RGS6: variants seen among roughly 807,000 people sequenced by gnomAD.
RGS6 encodes the protein regulator of G-protein signaling 6.
RGS6 carries 30 observed loss-of-function variants against 78.5 expected under a neutral mutation model. That is an observed-to-expected ratio of 0.38 (90% CI 0.29 to 0.52). RGS6 has a LOEUF of 0.52. Ranked by LOEUF, RGS6 falls within the 20% of genes least tolerant of loss-of-function variation. RGS6 has a pLI of 0.85. For synonymous variants in RGS6, 206 were observed against 206.0 expected (o/e 1.00, Z 0.00); for missense variants, 495 against 609.7 (o/e 0.81, Z 1.98).
At chr14:72,359,794 G>A (rs931148796) in intron 3 of RGS6, among the ~76,000 whole-genome samples, 3 of 152,206 alleles carry the variant, frequency 2.0e-5, no homozygotes, top group African/African-American at 7.2e-5. Flanking sequence ...ACCTACTATA[G>A]CTATGCTGAG....
chr14:71,918,037 C>T, the RGS6 span, among the ~76,000 whole-genome samples: 16 of 151,558 alleles, frequency 1.1e-4, no homozygotes, highest in African/African-American at 3.6e-4. Context: ...AAAAATTAGC[C>T]GGGCGTGGTG....
At chr14:72,488,744 C>T (rs895256476) in intron 12 of RGS6, among the ~76,000 whole-genome samples, 6 of 152,174 alleles carry the variant, frequency 3.9e-5, no homozygotes, top group African/African-American at 9.7e-5. Flanking sequence ...CCTGAGCCTT[C>T]CCTATTGTCC....
chr14:71,933,712 CTG>C (rs1421788372), intron 1 of RGS6, among the ~76,000 whole-genome samples: 4 of 152,140 alleles, frequency 2.6e-5, no homozygotes, highest in African/African-American at 9.7e-5. Flanking sequence ...ATGTTACAAA[CTG>C]AAGATATTTG....
chr14:72,330,670 T>C (rs2074807351), intron 2 of RGS6, among the ~76,000 whole-genome samples: 1 of 152,180 alleles, frequency 6.6e-6, no homozygotes, highest in African/African-American at 2.4e-5. Context: ...TCATTTCAGA[T>C]CCACAGGGCC....
intron 3 of RGS6, among the ~76,000 whole-genome samples, chr14:72,383,408 G>A (rs147551831): frequency 2.3e-4 from 35 of 151,938 alleles, no homozygotes; most frequent in African/African-American, 7.7e-4. Flanking sequence ...GACAGGAGAC[G>A]ATTGAACATT....
intron 3 of RGS6, among the ~76,000 whole-genome samples, chr14:72,359,349 A>G (rs1442583151): frequency 4.0e-5 from 6 of 148,186 alleles, no homozygotes; most frequent in Admixed American, 6.7e-5. Flanking sequence ...ATTAATTTCA[A>G]TGAGGAATAC....
chr14:71,878,783 G>A, the RGS6 span, among the ~76,000 whole-genome samples: 3 of 152,180 alleles, frequency 2.0e-5, no homozygotes, highest in South Asian at 6.2e-4. Context: ...CTCACGCTGG[G>A]AGCTGTAGAC....
intron 3 of RGS6, among the ~76,000 whole-genome samples, chr14:72,408,851 T>C (rs1597056080): frequency 6.6e-6 from 1 of 152,198 alleles, no homozygotes; most frequent in African/African-American, 2.4e-5. Context: ...GATGGAGTCA[T>C]CATAGGGTGC....
chr14:72,406,316 A>G (rs1294016169), intron 3 of RGS6, among the ~76,000 whole-genome samples: 1 of 152,098 alleles, frequency 6.6e-6, no homozygotes, highest in Non-Finnish European at 1.5e-5. Context: ...CCCGGGAGGC[A>G]GAGGTTGCAG....
intron 3 of RGS6, among the ~76,000 whole-genome samples, chr14:72,443,904 A>G (rs1455803535): frequency 6.6e-6 from 1 of 152,184 alleles, no homozygotes; most frequent in East Asian, 1.9e-4. Flanking sequence ...GGGAACAGAA[A>G]CGATGTCCAC....
chr14:71,970,500 G>A (rs2093736352), intron 2 of RGS6, among the ~76,000 whole-genome samples: 1 of 152,164 alleles, frequency 6.6e-6, no homozygotes, highest in African/African-American at 2.4e-5. Context: ...GTGGTATGCA[G>A]CAAGAAGGGA....
chr14:72,310,676 G>A (rs984388831), intron 2 of RGS6, among the ~76,000 whole-genome samples: 1 of 152,146 alleles, frequency 6.6e-6, no homozygotes, highest in African/African-American at 2.4e-5. Context: ...TGCAGTGAAG[G>A]CTGGAGTCAC....
intron 10 of RGS6, among the ~76,000 whole-genome samples, chr14:72,476,346 C>A (rs747086023): frequency 6.6e-5 from 10 of 152,190 alleles, no homozygotes; most frequent in African/African-American, 2.2e-4. Context: ...TCATTTGGGG[C>A]ATTTGATAAA....
At chr14:72,301,751 T>G (rs776624982) in intron 2 of RGS6, among the ~76,000 whole-genome samples, 5 of 152,188 alleles carry the variant, frequency 3.3e-5, no homozygotes, top group Non-Finnish European at 7.3e-5. Context: ...TTGGCATTCC[T>G]TGGCTTGTAG....
chr14:72,526,278 T>G (rs752973766), intron 15 of RGS6, among the ~76,000 whole-genome samples: 1 of 11,740 alleles, frequency 8.5e-5, no homozygotes, highest in Middle Eastern at 0.022. Flanking sequence ...TAATTTTTTG[T>G]TTTTTTTTAG....
In RGS6 at chr14:72,322,517, C is replaced by A. The variant is rs375928669; in HGVS notation, c.85-29578C>A. On this transcript the variant is annotated intron_variant, in intron 2 of 17. Transcript: ENST00000553525. ...AAAATAGGTCCAATATTATTTAAAC[C>A]AAGTGAAAGCATCCAGGTTATTTTT... 3.9e-5 allele frequency among the ~76,000 whole-genome samples: 6 copies of A among 152,008 alleles called. No homozygotes were observed. In the East Asian group the frequency reaches 5.8e-4, roughly 15 times the overall value.
At chr14:72,394,243 A>T (rs1025115584) in intron 3 of RGS6, among the ~76,000 whole-genome samples, 1 of 152,170 alleles carries the variant, frequency 6.6e-6, no homozygotes, top group Non-Finnish European at 1.5e-5. Flanking sequence ...AGGTTCTGTG[A>T]TGCCCCCTAA....
intron 14 of RGS6, among the ~76,000 whole-genome samples, chr14:72,517,198 T>G (rs2096958984): frequency 6.6e-6 from 1 of 151,856 alleles, no homozygotes; most frequent in African/African-American, 2.4e-5. Context: ...ACAGATTGAA[T>G]GCACTGTCTG....
intron 2 of RGS6, among the ~76,000 whole-genome samples, chr14:72,344,679 G>A (rs117789282): frequency 2.1e-3 from 316 of 152,304 alleles, no homozygotes; most frequent in Non-Finnish European, 3.9e-3. Flanking sequence ...TCAGTGGTGA[G>A]CAAACCACTC....
Sources: gnomAD v4.1 joint callset for allele counts (sites outside exome capture counted in the v4.1 genomes callset) on GRCh38, gnomAD v4.1.1 for gene constraint, MANE v1.5 for transcripts, NCBI Gene and HGNC (gene_info 2026-07-23, HGNC 2026-07-21) for gene names.